The following HS6ST3 variants were observed in gnomAD, a reference collection of about 807,000 sequenced individuals.
The protein encoded by HS6ST3 is heparan-sulfate 6-O-sulfotransferase 3.
Under a neutral mutation model 36.7 loss-of-function variants are expected in HS6ST3, and 12 were observed. The observed-to-expected ratio is 0.33, with a 90% CI of 0.21 to 0.53. The LOEUF (loss-of-function observed/expected upper bound fraction) is 0.53, where lower values mean the gene tolerates loss of function less well. Among genes scored for constraint, HS6ST3 ranks in the 20% least tolerant of loss-of-function variants. The pLI is 0.95. For missense variants in HS6ST3, 584 were observed against 640.9 expected, an observed-to-expected ratio of 0.91 and a Z score of 0.96; for synonymous variants, 240 against 257.5, an observed-to-expected ratio of 0.93 and a Z score of 0.65.
chr13:96,693,983 T>C (rs543295051), intron 1 of HS6ST3, among the ~76,000 whole-genome samples: 76 of 152,274 alleles, frequency 5.0e-4, no homozygotes, highest in Non-Finnish European at 8.2e-4. Context: ...CTACAGGAAG[T>C]TATATCTTAG....
intron 1 of HS6ST3, among the ~76,000 whole-genome samples, chr13:96,278,892 A>C (rs1468375154): frequency 1.3e-5 from 2 of 152,172 alleles, no homozygotes; most frequent in African/African-American, 2.4e-5. Flanking sequence ...ATTTATTGAA[A>C]TGTTAATGTA....
chr13:96,668,519 A>G (rs2056671799), intron 1 of HS6ST3, among the ~76,000 whole-genome samples: 1 of 152,002 alleles, frequency 6.6e-6, no homozygotes, highest in Non-Finnish European at 1.5e-5. Context: ...GCTGAGGGAC[A>G]AGGCAGGAAA....
At chr13:96,714,870 AT>A (rs1216175090) in intron 1 of HS6ST3, among the ~76,000 whole-genome samples, 24 of 151,008 alleles carry the variant, frequency 1.6e-4, no homozygotes, top group African/African-American at 4.4e-4. Flanking sequence ...AGTTAATTTA[AT>A]TTTTTTTTCT....
In HS6ST3 at chr13:96,448,064, C is replaced by T. The variant is rs577544055; in HGVS notation, c.707+356495C>T. On this transcript the variant is annotated intron_variant, in intron 1 of 1. Coordinates refer to ENST00000376705, the MANE Select transcript of HS6ST3 (RefSeq NM_153456.4). ...CCAACTTTTATCATCATGGAGGCTT[C>T]ACCTAATTGTCCATGGTATAGTTAT... is the stretch of plus-strand genomic sequence containing the variant. 3.9e-5 allele frequency among the ~76,000 whole-genome samples: 6 copies of T among 152,304 alleles called. No individual in the cohort carries two copies. The South Asian group carries it at 1.0e-3, about 26-fold the overall frequency.
intron 1 of HS6ST3, among the ~76,000 whole-genome samples, chr13:96,303,979 C>G (rs1329656729): frequency 2.0e-5 from 3 of 151,924 alleles, no homozygotes; most frequent in Non-Finnish European, 2.9e-5. Context: ...CCCATCTTTA[C>G]TAAAAATACA....
At chr13:96,128,445 A>T (rs2053961506) in intron 1 of HS6ST3, among the ~76,000 whole-genome samples, 1 of 152,150 alleles carries the variant, frequency 6.6e-6, no homozygotes, top group African/African-American at 2.4e-5. Context: ...TTCCAAGATA[A>T]CTAAGTGGAA....
intron 1 of HS6ST3, among the ~76,000 whole-genome samples, chr13:96,487,024 G>A (rs2055918722): frequency 6.6e-6 from 1 of 152,036 alleles, no homozygotes; most frequent in Admixed American, 6.6e-5. Flanking sequence ...TTCCATGTAA[G>A]GTAAATAAAG....
chr13:96,358,419 A>G (rs981595428), intron 1 of HS6ST3, among the ~76,000 whole-genome samples: 3 of 152,164 alleles, frequency 2.0e-5, no homozygotes, highest in African/African-American at 7.2e-5. Context: ...TCACTGGGGT[A>G]ATATTCTTGC....
chr13:96,764,615 G>A lies in HS6ST3; in HGVS notation c.708-67875G>A, dbSNP rs1025184300. Among the ~76,000 whole-genome samples the A allele has an allele frequency of 8.5e-5, 13 of 152,280 alleles. 1 individual carries two copies. In the South Asian group the frequency reaches 2.1e-3, roughly 24 times the overall value. On this transcript the variant is annotated intron_variant, in intron 1 of 1. Coordinates refer to ENST00000376705, the MANE Select transcript of HS6ST3 (RefSeq NM_153456.4). ...TCCAGCCATGCCATCTTGCTCAGTG[G>A]CCCCTTTTTATTAATCATTGATTGT...
chr13:96,331,002 C>T lies in HS6ST3; in HGVS notation c.707+239433C>T, dbSNP rs1176947248. Among the ~76,000 whole-genome samples, 11 of 152,022 alleles carry T rather than the reference C, an allele frequency of 7.2e-5. No individual in the cohort carries two copies. The East Asian group carries it at 9.6e-4, about 13-fold the overall frequency. Reference sequence around the variant, plus strand: ...GCTCCTGAGGCTTCTGCATTCTTCACGTAGTTCTTGAGCCTTGGTTTTCAG... The same window carrying T: ...GCTCCTGAGGCTTCTGCATTCTTCATGTAGTTCTTGAGCCTTGGTTTTCAG... On this transcript the variant is annotated intron_variant, in intron 1 of 1. Transcript: ENST00000376705.
chr13:96,137,430 C>G (rs533055385), intron 1 of HS6ST3, among the ~76,000 whole-genome samples: 88 of 119,304 alleles, frequency 7.4e-4, no homozygotes, highest in Middle Eastern at 4.4e-3. Flanking sequence ...AGGAACAATC[C>G]TGAACATTTT....
At chr13:96,272,108 T>A (rs1180124506) in intron 1 of HS6ST3, among the ~76,000 whole-genome samples, 1 of 152,008 alleles carries the variant, frequency 6.6e-6, no homozygotes, top group Non-Finnish European at 1.5e-5. Flanking sequence ...AGCAAAAGAT[T>A]TTTTTGGGCA....
At chr13:96,649,250 C>T (rs1279092914) in intron 1 of HS6ST3, among the ~76,000 whole-genome samples, 1 of 152,018 alleles carries the variant, frequency 6.6e-6, no homozygotes, top group Non-Finnish European at 1.5e-5. Context: ...AACCTACAAT[C>T]ATGGCAGAAG....
chr13:96,570,630 G>A (rs1430921649), intron 1 of HS6ST3, among the ~76,000 whole-genome samples: 1 of 152,174 alleles, frequency 6.6e-6, no homozygotes, highest in Non-Finnish European at 1.5e-5. Flanking sequence ...GTTCATTCTA[G>A]AAGCATTTAT....
chr13:96,144,586 A>G (rs2054047293), intron 1 of HS6ST3, among the ~76,000 whole-genome samples: 1 of 152,014 alleles, frequency 6.6e-6, no homozygotes, highest in African/African-American at 2.4e-5. Flanking sequence ...CAGTTTATGG[A>G]CTAGATGTGA....
intron 1 of HS6ST3, among the ~76,000 whole-genome samples, chr13:96,222,256 CAT>C (rs1200867842): frequency 2.0e-5 from 3 of 152,078 alleles, no homozygotes; most frequent in African/African-American, 7.2e-5. Flanking sequence ...GGACAAACTA[CAT>C]AAGACAAAGA....
intron 1 of HS6ST3, among the ~76,000 whole-genome samples, chr13:96,617,058 A>G (rs1019258897): frequency 3.3e-5 from 5 of 152,220 alleles, no homozygotes; most frequent in African/African-American, 9.6e-5. Flanking sequence ...ATCTTAAACT[A>G]ATTTATAGAT....
At chr13:96,754,615 G>C (rs370754372) in intron 1 of HS6ST3, among the ~76,000 whole-genome samples, 2 of 152,186 alleles carry the variant, frequency 1.3e-5, no homozygotes, top group East Asian at 3.9e-4. Flanking sequence ...CAGTTCAGTG[G>C]GTCTATAGCT....
chr13:96,192,269 TATG>T (rs1420958932), intron 1 of HS6ST3, among the ~76,000 whole-genome samples: 3 of 152,200 alleles, frequency 2.0e-5, no homozygotes, highest in Non-Finnish European at 4.4e-5. Context: ...GTTGACCAAA[TATG>T]ATAATTTTTT....
Sources: allele counts gnomAD v4.1 joint callset (sites outside exome capture counted in the v4.1 genomes callset), GRCh38; gene constraint gnomAD v4.1.1; transcripts MANE v1.5; gene names NCBI Gene and HGNC (gene_info 2026-07-23, HGNC 2026-07-21).